The following SOX5 variants were observed in gnomAD, a reference collection of about 807,000 sequenced individuals.
SOX5 encodes SRY-box transcription factor 5.
In SOX5, 9 loss-of-function variants were observed where a neutral mutation model predicts 92.0. That is an observed-to-expected ratio of 0.10 (90% confidence interval 0.06 to 0.17). The LOEUF (loss-of-function observed/expected upper bound fraction) is 0.17. SOX5 is among the 10% of genes least tolerant of loss of function. The probability of loss-of-function intolerance (pLI) is 1.00; values close to 1 mark genes in which losing one functional copy is unlikely to be tolerated. For missense variants in SOX5, 642 were observed against 944.5 expected, an observed-to-expected ratio of 0.68 and a Z score of 4.20; for synonymous variants, 344 against 336.3, an observed-to-expected ratio of 1.02 and a Z score of -0.25.
chr12:23,604,249 T>C, intron 9 of SOX5, 138 bp downstream of exon 9: 1 of 750,030 alleles, frequency 1.3e-6, no homozygotes, highest in Non-Finnish European at 2.3e-6. Flanking sequence ...CATGCACACC[T>C]GTTGCCCTTA....
intron 4 of SOX5, among the ~76,000 whole-genome samples, chr12:24,021,858 T>C (rs1221366840): frequency 6.6e-6 from 1 of 152,218 alleles, no homozygotes; most frequent in Non-Finnish European, 1.5e-5. Context: ...GTCACCTTCA[T>C]GTACTCTACG....
intron 1 of SOX5, among the ~76,000 whole-genome samples, chr12:24,492,317 A>G (rs2137986952): frequency 6.6e-6 from 1 of 152,254 alleles, no homozygotes; most frequent in East Asian, 1.9e-4. Context: ...CATTCCCCCA[A>G]TTTAAAGGTC....
At chr12:23,922,475 G>A (rs936309356) in intron 1 of SOX5, among the ~76,000 whole-genome samples, 2 of 152,128 alleles carry the variant, frequency 1.3e-5, no homozygotes, top group Admixed American at 1.3e-4. Flanking sequence ...ATATCTTTGA[G>A]TACAAAGAAA....
At chr12:23,740,810 A>C in intron 5 of SOX5, 57 bp downstream of exon 5, 1 of 1,427,642 alleles carries the variant, frequency 7.0e-7, no homozygotes, top group Non-Finnish European at 9.7e-7. Flanking sequence ...AGTGACCTAT[A>C]AGTAGCAGGC....
chr12:24,022,980 G>T (rs1052466883), intron 4 of SOX5, among the ~76,000 whole-genome samples: 3 of 151,672 alleles, frequency 2.0e-5, no homozygotes, highest in African/African-American at 7.3e-5. Flanking sequence ...GTTTGGGTTG[G>T]GTGACTTCTC....
chr12:23,693,193 G>A (rs1336050601), intron 6 of SOX5, among the ~76,000 whole-genome samples: 2 of 152,058 alleles, frequency 1.3e-5, no homozygotes, highest in Admixed American at 6.6e-5. Context: ...GCACGATCTC[G>A]GCTCACTGCA....
intron 7 of SOX5, among the ~76,000 whole-genome samples, chr12:23,658,975 A>G (rs745409548): frequency 2.6e-5 from 4 of 152,222 alleles, no homozygotes; most frequent in Non-Finnish European, 4.4e-5. Context: ...CTGCTTATTT[A>G]CAAAGAACAT....
intron 4 of SOX5, among the ~76,000 whole-genome samples, chr12:24,023,737 A>G (rs1336955582): frequency 6.6e-6 from 1 of 152,184 alleles, no homozygotes; most frequent in East Asian, 1.9e-4. Context: ...TCAGCTACAT[A>G]TACATTTATT....
intron 1 of SOX5, among the ~76,000 whole-genome samples, chr12:24,466,789 A>C (rs1289317608): frequency 1.3e-5 from 2 of 152,204 alleles, no homozygotes; most frequent in Non-Finnish European, 2.9e-5. Flanking sequence ...TATGAAATCA[A>C]ATGTTTGAGA....
intron 4 of SOX5, among the ~76,000 whole-genome samples, chr12:24,035,199 C>G (rs577434590): frequency 6.6e-6 from 1 of 152,100 alleles, no homozygotes; most frequent in African/African-American, 2.4e-5. Context: ...TTTTTGACAA[C>G]TTGTATTTAT....
chr12:23,932,192 A>G (rs1941591687), intron 1 of SOX5, among the ~76,000 whole-genome samples: 1 of 151,636 alleles, frequency 6.6e-6, no homozygotes. Flanking sequence ...AGAGCCCTGT[A>G]TCTAACCTGA....
intron 1 of SOX5, among the ~76,000 whole-genome samples, chr12:24,555,300 C>A (rs143801706): frequency 5.3e-4 from 80 of 152,198 alleles, no homozygotes; most frequent in African/African-American, 1.9e-3. Flanking sequence ...TGCTTTAGGG[C>A]CAATTACCTA....
At position 23,530,431 on chromosome 12, in the gene SOX5, A is replaced by G. The variant is rs1226774441; in HGVS notation, c.*3788T>C. The G allele has an allele frequency of 6.6e-6, 1 of 152,208 alleles. No individual in the cohort carries two copies. Among genetic ancestry groups the G allele is most frequent in the African/African-American group, 2.4e-5 (1 of 41,446 alleles). 9.4% of individuals were successfully genotyped at this position (152,208 alleles called of 1,614,324 possible). Reference sequence around the variant, plus strand: ...AAATTCTACTCCGGAAATCAAATCTATAAAATAGCTTCACCACAGAAAACT... The same window carrying G: ...AAATTCTACTCCGGAAATCAAATCTGTAAAATAGCTTCACCACAGAAAACT... On this transcript the variant is annotated 3_prime_UTR_variant, in exon 15 of 15. Transcript: ENST00000451604.
At chr12:23,873,311 A>C (rs533075207) in intron 2 of SOX5, among the ~76,000 whole-genome samples, 282 of 152,192 alleles carry the variant, frequency 1.9e-3, no homozygotes, top group South Asian at 5.6e-3. Flanking sequence ...TCTCCAAAAA[A>C]AAAAGCAGAA....
chr12:24,428,284 G>C (rs898722382), intron 1 of SOX5, among the ~76,000 whole-genome samples: 2 of 150,360 alleles, frequency 1.3e-5, no homozygotes, highest in Non-Finnish European at 2.9e-5. Context: ...TGAACGACTT[G>C]GGAAAATGTG....
chr12:24,000,329 C>T (rs1791349015), intron 4 of SOX5, among the ~76,000 whole-genome samples: 1 of 151,764 alleles, frequency 6.6e-6, no homozygotes, highest in African/African-American at 2.4e-5. Context: ...ACTGTTTTAA[C>T]AGGTATAAGA....
intron 2 of SOX5, among the ~76,000 whole-genome samples, chr12:23,865,103 CTCTG>C (rs534522181): frequency 4.3e-4 from 65 of 152,304 alleles, no homozygotes; most frequent in African/African-American, 1.5e-3. Flanking sequence ...GCTAAATCGG[CTCTG>C]TCTTTGTCTA....
intron 4 of SOX5, among the ~76,000 whole-genome samples, chr12:23,985,400 C>T (rs1173516654): frequency 6.6e-6 from 1 of 152,046 alleles, no homozygotes; most frequent in Non-Finnish European, 1.5e-5. Flanking sequence ...CAGGAATGAG[C>T]CACCATGCCT....
Position 24,394,283 on chromosome 12 carries a change from G to A in SOX5, c.-250-25644C>T, listed in dbSNP as rs12296989. Among the ~76,000 whole-genome samples, 590 of 152,250 alleles carry A rather than the reference G, an allele frequency of 3.9e-3. 8 individuals carry two copies. Among genetic ancestry groups the A allele is most frequent in the African/African-American group, 0.013 (542 of 41,542 alleles). ...ATTCATCAAGAACCCTACTATAGCC[G>A]AGAGAAGCCAAGAAACAGCACAGAG... is the stretch of plus-strand genomic sequence containing the variant. On this transcript the variant is annotated intron_variant, in intron 1 of 4. Coordinates refer to the SOX5 transcript ENST00000446891.
Sources: allele counts gnomAD v4.1 joint callset (sites outside exome capture counted in the v4.1 genomes callset), GRCh38; gene constraint gnomAD v4.1.1; transcripts MANE v1.5; gene names NCBI Gene and HGNC (gene_info 2026-07-23, HGNC 2026-07-21).